Variants in KATNIP observed in about 807,000 individuals in gnomAD.
KATNIP encodes katanin interacting protein.
In KATNIP, 126 loss-of-function variants were observed where a neutral mutation model predicts 174.0. The observed-to-expected ratio is 0.72, with a 90% CI of 0.63 to 0.84. KATNIP has a LOEUF of 0.84. KATNIP is among the 40% of genes least tolerant of loss of function. The probability of loss-of-function intolerance (pLI) is 0.00; values close to 1 mark genes in which losing one functional copy is unlikely to be tolerated. For missense variants in KATNIP, 1,958 were observed against 2,109.7 expected (o/e 0.93, Z 1.41); for synonymous variants, 810 against 835.7 (o/e 0.97, Z 0.53).
intron 2 of KATNIP, among the ~76,000 whole-genome samples, chr16:27,612,005 G>C (rs1390483319): frequency 1.3e-5 from 2 of 152,140 alleles, no homozygotes; most frequent in Non-Finnish European, 1.5e-5. Flanking sequence ...AGGCTAGAGG[G>C]GGCTGAGTGG....
chr16:27,633,313 C>T (rs1464080493), intron 5 of KATNIP, among the ~76,000 whole-genome samples: 4 of 151,838 alleles, frequency 2.6e-5, no homozygotes, highest in Non-Finnish European at 4.4e-5. Flanking sequence ...GCCCCACCCC[C>T]GGAGATTCTG....
Position 27,770,891 on chromosome 16 carries a change from C to G in KATNIP, c.4134-697C>G, listed in dbSNP as rs569052978. Among the ~76,000 whole-genome samples, 167 of 152,348 alleles carry G rather than the reference C, an allele frequency of 1.1e-3. 2 individuals carry two copies. Among genetic ancestry groups the G allele is most frequent in the African/African-American group, 3.9e-3 (162 of 41,574 alleles). On this transcript the variant is annotated intron_variant, in intron 21 of 27. Transcript: ENST00000261588. The stretch of plus-strand genomic sequence containing the variant: ...GGCTGTGCCTGCCTTCCAGCCTCCT[C>G]TCACTTCCCTCTCCCCATCCTGCCC...
At chr16:27,725,335 C>T (rs1252611631) in intron 14 of KATNIP, among the ~76,000 whole-genome samples, 2 of 152,204 alleles carry the variant, frequency 1.3e-5, no homozygotes, top group Non-Finnish European at 2.9e-5. Flanking sequence ...GGCAAATCGG[C>T]TGTGTCTCTT....
intron 5 of KATNIP, among the ~76,000 whole-genome samples, chr16:27,640,639 G>A (rs2076763111): frequency 6.6e-6 from 1 of 151,534 alleles, no homozygotes; most frequent in Non-Finnish European, 1.5e-5. Flanking sequence ...CATTATGTGT[G>A]CTGTGTGACC....
chr16:27,766,604 G>C, intron 20 of KATNIP, 130 bp downstream of exon 20: 1 of 910,924 alleles, frequency 1.1e-6, no homozygotes, highest in Non-Finnish European at 1.6e-6. Context: ...GGGGCGTTAT[G>C]TCCAGGGAGA....
intron 1 of KATNIP, among the ~76,000 whole-genome samples, chr16:27,571,907 C>A (rs1463062097): frequency 6.6e-6 from 1 of 152,196 alleles, no homozygotes; most frequent in Non-Finnish European, 1.5e-5. Flanking sequence ...CATTCTAGCT[C>A]CTATCCCAGA....
chr16:27,682,082 T>G (rs953622001), intron 8 of KATNIP, among the ~76,000 whole-genome samples: 1 of 152,258 alleles, frequency 6.6e-6, no homozygotes, highest in Non-Finnish European at 1.5e-5. Context: ...TGGTTATCAT[T>G]GAAAATTTCT....
intron 13 of KATNIP, among the ~76,000 whole-genome samples, chr16:27,716,726 C>T (rs949041119): frequency 3.3e-5 from 5 of 152,192 alleles, no homozygotes; most frequent in African/African-American, 1.2e-4. Flanking sequence ...TTCCCTTGGG[C>T]TCCTCTTGTA....
chr16:27,758,685 C>A (rs984081106), intron 18 of KATNIP, among the ~76,000 whole-genome samples: 1 of 152,178 alleles, frequency 6.6e-6, no homozygotes, highest in African/African-American at 2.4e-5. Flanking sequence ...CTGGAATGTT[C>A]TTCTTCCAGA....
chr16:27,572,789 A>G lies in KATNIP; in HGVS notation c.8-1112A>G, dbSNP rs143516743. Among the ~76,000 whole-genome samples, 6 of 152,260 alleles carry G rather than the reference A, an allele frequency of 3.9e-5. No individual in the cohort carries two copies. In the East Asian group the frequency reaches 9.6e-4, roughly 24 times the overall value. The stretch of plus-strand genomic sequence containing the variant: ...ACCAAAAGATGTCTTCTCCCATACC[A>G]TGATACTGTATGATCCATGCCCTCC... On this transcript the variant is annotated intron_variant, in intron 1 of 27. Transcript: ENST00000261588.
At chr16:27,572,101 A>G (rs1228906163) in intron 1 of KATNIP, among the ~76,000 whole-genome samples, 4 of 151,876 alleles carry the variant, frequency 2.6e-5, no homozygotes, top group Admixed American at 6.6e-5. Context: ...CTGTCCCCAC[A>G]TACATCTCCC....
chr16:27,753,334 C>T (rs1407981210), intron 17 of KATNIP, among the ~76,000 whole-genome samples: 4 of 152,312 alleles, frequency 2.6e-5, no homozygotes, highest in African/African-American at 7.2e-5. Flanking sequence ...TGATTCGACC[C>T]AGGGGTCTCC....
At chr16:27,643,993 C>T (rs946622807) in intron 5 of KATNIP, among the ~76,000 whole-genome samples, 1 of 151,146 alleles carries the variant, frequency 6.6e-6, no homozygotes, top group African/African-American at 2.4e-5. Flanking sequence ...CCAATTCCTC[C>T]CTAGTCCATC....
At chr16:27,731,783 T>C (rs889341192) in intron 14 of KATNIP, among the ~76,000 whole-genome samples, 2 of 152,096 alleles carry the variant, frequency 1.3e-5, no homozygotes, top group Non-Finnish European at 2.9e-5. Context: ...TACACAGGGC[T>C]AATTTTTTTG....
chr16:27,765,912 G>A (rs2082104980), intron 19 of KATNIP, among the ~76,000 whole-genome samples: 1 of 152,018 alleles, frequency 6.6e-6, no homozygotes, highest in African/African-American at 2.4e-5. Context: ...AAATAACACT[G>A]TAATGAGCAT....
At chr16:27,594,810 T>C (rs1377728549) in intron 2 of KATNIP, among the ~76,000 whole-genome samples, 1 of 152,170 alleles carries the variant, frequency 6.6e-6, no homozygotes, top group African/African-American at 2.4e-5. Context: ...TATGCCTCCG[T>C]TGAGGAAAAA....
intron 2 of KATNIP, among the ~76,000 whole-genome samples, chr16:27,612,322 G>A (rs2075914076): frequency 6.6e-6 from 1 of 152,260 alleles, no homozygotes; most frequent in Non-Finnish European, 1.5e-5. Flanking sequence ...GGACTGCAGA[G>A]CCCATGTACC....
At chr16:27,613,132 C>T (rs2075947115) in intron 2 of KATNIP, among the ~76,000 whole-genome samples, 1 of 151,352 alleles carries the variant, frequency 6.6e-6, no homozygotes, top group Admixed American at 6.6e-5. Flanking sequence ...AAAAATTAGC[C>T]ATGTATTGGC....
At chr16:27,664,004 G>T (rs62029122) in intron 6 of KATNIP, among the ~76,000 whole-genome samples, 12,807 of 151,946 alleles carry the variant, frequency 0.084, 656 homozygotes, top group African/African-American at 0.11. Context: ...TAGAGACAGG[G>T]ACTTGCTATG....
Sources: allele counts gnomAD v4.1 joint callset (sites outside exome capture counted in the v4.1 genomes callset), GRCh38; gene constraint gnomAD v4.1.1; transcripts MANE v1.5; gene names NCBI Gene and HGNC (gene_info 2026-07-23, HGNC 2026-07-21).